The following PCDH15 variants were observed in gnomAD, a reference collection of about 807,000 sequenced individuals.
PCDH15 encodes the protein protocadherin-15.
PCDH15 carries 129 observed loss-of-function variants against 178.5 expected under a neutral mutation model. The observed-to-expected ratio is 0.72, with a 90% CI of 0.63 to 0.84. The LOEUF (loss-of-function observed/expected upper bound fraction) is 0.84, where lower values mean the gene tolerates loss of function less well. PCDH15 is among the 40% of genes least tolerant of loss of function. The pLI, the probability that PCDH15 is intolerant of heterozygous loss-of-function variation, is 0.00. For synonymous variants in PCDH15, 800 were observed against 732.0 expected, an observed-to-expected ratio of 1.09 and a Z score of -1.50; for missense variants, 2,230 against 2,099.9, an observed-to-expected ratio of 1.06 and a Z score of -1.21.
chr10:55,307,636 AT>A (rs1227676779), intron 1 of PCDH15, among the ~76,000 whole-genome samples: 3 of 150,274 alleles, frequency 2.0e-5, no homozygotes, highest in East Asian at 1.9e-4. Flanking sequence ...CTGCCTCTCT[AT>A]TTTTTTCTTT....
At chr10:54,370,342 T>G (rs1947468308) in intron 4 of PCDH15, among the ~76,000 whole-genome samples, 1 of 151,990 alleles carries the variant, frequency 6.6e-6, no homozygotes, top group Admixed American at 6.6e-5. Context: ...TCCTTTCAAA[T>G]TTCTTCCAAT....
At chr10:55,034,718 A>T (rs1233261685) in intron 2 of PCDH15, among the ~76,000 whole-genome samples, 3 of 152,210 alleles carry the variant, frequency 2.0e-5, no homozygotes, top group African/African-American at 7.2e-5. Flanking sequence ...GAAACACAGT[A>T]AACAGACATT....
intron 2 of PCDH15, among the ~76,000 whole-genome samples, chr10:55,160,657 G>A (rs1304258856): frequency 1.3e-5 from 2 of 151,912 alleles, no homozygotes; most frequent in South Asian, 2.1e-4. Context: ...CAAGTATATG[G>A]CACCTTATAA....
At chr10:54,308,649 T>A (rs1280770072) in intron 8 of PCDH15, among the ~76,000 whole-genome samples, 4 of 152,028 alleles carry the variant, frequency 2.6e-5, no homozygotes, top group African/African-American at 9.7e-5. Flanking sequence ...TTTTAAAAAA[T>A]TTACTTTAAT....
intron 13 of PCDH15, among the ~76,000 whole-genome samples, chr10:54,165,686 C>T (rs11004113): frequency 0.3 from 45,218 of 151,978 alleles, 7,079 homozygotes; most frequent in African/African-American, 0.37. Context: ...TTTAACCCAT[C>T]GATTTAAGGA....
intron 2 of PCDH15, among the ~76,000 whole-genome samples, chr10:55,470,485 A>G (rs750328269): frequency 2.0e-5 from 3 of 152,288 alleles, no homozygotes; most frequent in Non-Finnish European, 2.9e-5. Context: ...TTATCATGAT[A>G]GTTTGATTAG....
At chr10:54,900,323 G>A (rs1346396962) in intron 2 of PCDH15, among the ~76,000 whole-genome samples, 1 of 152,062 alleles carries the variant, frequency 6.6e-6, no homozygotes, top group East Asian at 1.9e-4. Context: ...AATTGTCAGT[G>A]TAAAAAAAAG....
chr10:54,519,074 C>A (rs548497905), intron 3 of PCDH15, among the ~76,000 whole-genome samples: 62 of 152,112 alleles, frequency 4.1e-4, no homozygotes, highest in African/African-American at 9.2e-4. Flanking sequence ...AAATAATAAG[C>A]GCTATCTATG....
At chr10:54,244,141 T>G (rs538924217) in intron 8 of PCDH15, among the ~76,000 whole-genome samples, 1 of 152,274 alleles carries the variant, frequency 6.6e-6, no homozygotes, top group Non-Finnish European at 1.5e-5. Context: ...GTTTTATTAT[T>G]TCCATGAGCA....
At chr10:54,449,635 G>T (rs1446462014) in intron 3 of PCDH15, among the ~76,000 whole-genome samples, 1 of 151,770 alleles carries the variant, frequency 6.6e-6, no homozygotes, top group South Asian at 2.1e-4. Context: ...CAAGAAAAAT[G>T]TACAAACATT....
At chr10:54,392,271 T>C (rs1441055579) in intron 3 of PCDH15, among the ~76,000 whole-genome samples, 1 of 95,484 alleles carries the variant, frequency 1.0e-5, no homozygotes, top group African/African-American at 4.1e-5. Flanking sequence ...TCAAGGTCAG[T>C]CTGGTCAACA....
chr10:55,431,490 T>C (rs1454011347), intron 2 of PCDH15, among the ~76,000 whole-genome samples: 1 of 152,150 alleles, frequency 6.6e-6, no homozygotes, highest in East Asian at 1.9e-4. Flanking sequence ...AAGCTAGTAA[T>C]TAGGACTTAC....
Position 55,365,289 on chromosome 10 carries a change from T to G in PCDH15, c.-155-198638A>C, listed in dbSNP as rs185004624. 2.2e-3 allele frequency among the ~76,000 whole-genome samples: 334 copies of G among 152,298 alleles called. 1 individual carries two copies. The highest frequency in any genetic ancestry group is 7.5e-3 in the African/African-American group (310 of 41,570). ...AACCAGCAGTTTGCAGCAGGTTTGA[T>G]GTATGTTATTTCTAAAGTGAAGTTA... On this transcript the variant is annotated intron_variant, in intron 2 of 5. Coordinates refer to the PCDH15 transcript ENST00000613346.
At chr10:55,294,745 C>A (rs1843091604) in intron 1 of PCDH15, among the ~76,000 whole-genome samples, 2 of 152,152 alleles carry the variant, frequency 1.3e-5, no homozygotes, top group Admixed American at 1.3e-4. Flanking sequence ...GACCTGAACT[C>A]AGGAATTGCT....
At chr10:54,853,333 A>G (rs1953672759) in intron 3 of PCDH15, among the ~76,000 whole-genome samples, 1 of 103,400 alleles carries the variant, frequency 9.7e-6, no homozygotes, top group Admixed American at 1.1e-4. Context: ...ACACACACAT[A>G]TACATATATA....
chr10:54,659,767 A>AAT lies in PCDH15; in HGVS notation c.91+4403_91+4404dup, dbSNP rs1555131215. Among the ~76,000 whole-genome samples the AAT allele has an allele frequency of 1.1e-3, 158 of 150,086 alleles. 3 individuals carry two copies. The highest frequency in any genetic ancestry group is 1.4e-3 in the East Asian group (7 of 5,122). ...AGACCCTGTCTCAAAAAAAAAAAAA[A>AAT]ATACATATCAGGAGAAACTCTCAAA... On this transcript the variant is annotated intron_variant, in intron 2 of 37. Coordinates refer to ENST00000644397, the MANE Select transcript of PCDH15 (RefSeq NM_001384140.1).
intron 20 of PCDH15, among the ~76,000 whole-genome samples, chr10:53,999,816 C>T (rs577631347): frequency 1.3e-3 from 196 of 152,288 alleles, no homozygotes; most frequent in Non-Finnish European, 2.1e-3. Context: ...CTGGCTTTGC[C>T]ACCTGCTGAT....
chr10:54,082,841 T>A (rs1372282079), intron 16 of PCDH15, among the ~76,000 whole-genome samples: 2 of 151,748 alleles, frequency 1.3e-5, no homozygotes, highest in African/African-American at 4.8e-5. Context: ...GAGAAAATAC[T>A]TACAAATCAC....
At chr10:55,245,160 A>C (rs1841652073) in intron 1 of PCDH15, among the ~76,000 whole-genome samples, 1 of 152,106 alleles carries the variant, frequency 6.6e-6, no homozygotes, top group Non-Finnish European at 1.5e-5. Context: ...GTAAAGCATA[A>C]AAATAGAAGT....
Sources: allele counts gnomAD v4.1 joint callset (sites outside exome capture counted in the v4.1 genomes callset), GRCh38; gene constraint gnomAD v4.1.1; transcripts MANE v1.5; gene names NCBI Gene and HGNC (gene_info 2026-07-23, HGNC 2026-07-21).